The following PDSS2 variants were observed in gnomAD, a reference collection of about 807,000 sequenced individuals.
PDSS2 encodes all trans-polyprenyl-diphosphate synthase PDSS2.
PDSS2 carries 31 observed loss-of-function variants against 44.5 expected under a neutral mutation model. The observed-to-expected ratio is 0.70, with a 90% confidence interval of 0.52 to 0.94. The LOEUF is 0.94. Among genes scored for constraint, PDSS2 ranks in the 40% least tolerant of loss-of-function variants. The pLI, the probability that PDSS2 is intolerant of heterozygous loss-of-function variation, is 0.00. For synonymous variants in PDSS2, 157 were observed against 180.3 expected (o/e 0.87, Z 1.03); for missense variants, 452 against 482.2 (o/e 0.94, Z 0.59).
chr6:107,432,895 G>C (rs940468438), intron 1 of PDSS2, among the ~76,000 whole-genome samples: 1 of 151,940 alleles, frequency 6.6e-6, no homozygotes, highest in Non-Finnish European at 1.5e-5. Flanking sequence ...TTGTAACTTT[G>C]TATCTGTTAA....
At chr6:107,338,902 T>G (rs971010146) in intron 1 of PDSS2, among the ~76,000 whole-genome samples, 1 of 152,032 alleles carries the variant, frequency 6.6e-6, no homozygotes, top group South Asian at 2.1e-4. Flanking sequence ...ATTTTTTTTT[T>G]CTTTTAGAGA....
In PDSS2 at chr6:107,338,786, T is replaced by A. The variant is rs565345973; in HGVS notation, c.297-4454A>T. ...TAGAGCCAGTGTGGCAGGAACACAGTACGTAAAGGAAGAACTGAGAGAAAT... is the reference window on the plus strand; with the variant it reads ...TAGAGCCAGTGTGGCAGGAACACAGAACGTAAAGGAAGAACTGAGAGAAAT... On this transcript the variant is annotated intron_variant, in intron 1 of 7. Transcript: ENST00000369037. Among the ~76,000 whole-genome samples the A allele has an allele frequency of 6.2e-4, 95 of 152,196 alleles. 3 individuals are homozygous for A. In the South Asian group the frequency reaches 0.02, roughly 32 times the overall value.
At chr6:107,287,009 C>T (rs1041876261) in intron 2 of PDSS2, among the ~76,000 whole-genome samples, 1 of 152,110 alleles carries the variant, frequency 6.6e-6, no homozygotes, top group Admixed American at 6.5e-5. Flanking sequence ...CACTGCACTC[C>T]AGCCTGGTGA....
chr6:107,425,410 A>G (rs1404481169), intron 1 of PDSS2, among the ~76,000 whole-genome samples: 1 of 152,214 alleles, frequency 6.6e-6, no homozygotes, highest in African/African-American at 2.4e-5. Flanking sequence ...GATATGAACA[A>G]TAAGATCCAG....
rs1770800596 is a variant in PDSS2 at position 107,154,105 on chromosome 6, A to T, written c.*514T>A. 1 of 160,568 alleles carries T rather than the reference A, an allele frequency of 6.2e-6. No individual in the cohort carries two copies. Among genetic ancestry groups the T allele is most frequent in the African/African-American group, 2.4e-5 (1 of 41,486 alleles). 9.9% of individuals were successfully genotyped at this position (160,568 alleles called of 1,614,324 possible). On this transcript the variant is annotated 3_prime_UTR_variant, in exon 8 of 8. Coordinates refer to ENST00000369037, the MANE Select transcript of PDSS2 (RefSeq NM_020381.4). ...AAAAATAATAATAATCCAGAGACAT[A>T]ATTACAAGCCAACAAATAAAACATA...
chr6:107,326,102 T>A (rs1777535600), intron 2 of PDSS2, among the ~76,000 whole-genome samples: 1 of 147,066 alleles, frequency 6.8e-6, no homozygotes, highest in Non-Finnish European at 1.5e-5. Context: ...TTTTTCTTTT[T>A]TCTTTTTTTT....
intron 3 of PDSS2, among the ~76,000 whole-genome samples, chr6:107,271,810 T>G (rs1439487253): frequency 1.3e-5 from 2 of 152,172 alleles, no homozygotes; most frequent in Admixed American, 1.3e-4. Flanking sequence ...ATCCCAGCAC[T>G]TTGGGAGGCC....
intron 3 of PDSS2, among the ~76,000 whole-genome samples, chr6:107,255,547 C>T (rs990799926): frequency 2.7e-5 from 4 of 147,952 alleles, no homozygotes; most frequent in Non-Finnish European, 4.4e-5. Flanking sequence ...TGCGGTGAGC[C>T]GAGATCGTGC....
At chr6:107,338,475 G>C (rs893900378) in intron 1 of PDSS2, among the ~76,000 whole-genome samples, 2 of 152,198 alleles carry the variant, frequency 1.3e-5, no homozygotes, top group African/African-American at 4.8e-5. Flanking sequence ...ATATGATGAG[G>C]AGCACTGTTA....
intron 7 of PDSS2, among the ~76,000 whole-genome samples, chr6:107,155,868 T>G (rs1770869924): frequency 7.2e-6 from 1 of 138,950 alleles, no homozygotes; most frequent in African/African-American, 2.7e-5. Context: ...ATGAGCCACC[T>G]TGCCCGGCCT....
chr6:107,201,764 C>T (rs1350133465), intron 6 of PDSS2, among the ~76,000 whole-genome samples: 1 of 152,118 alleles, frequency 6.6e-6, no homozygotes, highest in Admixed American at 6.6e-5. Flanking sequence ...ATGTTACAGG[C>T]TATATTTTAG....
chr6:107,161,467 G>A (rs1554246723), intron 7 of PDSS2, among the ~76,000 whole-genome samples: 1 of 144,906 alleles, frequency 6.9e-6, no homozygotes. Context: ...GTGACAGAGC[G>A]AGACTCCGTC....
intron 2 of PDSS2, among the ~76,000 whole-genome samples, chr6:107,322,363 C>CA (rs1001387762): frequency 6.6e-6 from 1 of 151,444 alleles, no homozygotes; most frequent in Admixed American, 6.6e-5. Flanking sequence ...ACTAAAAATA[C>CA]AAAAAAATAG....
chr6:107,194,680 G>A (rs780645881), intron 6 of PDSS2, among the ~76,000 whole-genome samples: 5 of 152,178 alleles, frequency 3.3e-5, no homozygotes, highest in East Asian at 1.9e-4. Context: ...AGCTGGGTGC[G>A]GTGGCTCACG....
intron 1 of PDSS2, among the ~76,000 whole-genome samples, chr6:107,448,717 A>G (rs1291614739): frequency 6.6e-6 from 1 of 151,866 alleles, no homozygotes; most frequent in Non-Finnish European, 1.5e-5. Context: ...GCAGCACCCC[A>G]CTCTCTACGG....
chr6:107,333,629 G>A (rs1777781208), intron 2 of PDSS2, among the ~76,000 whole-genome samples: 1 of 152,098 alleles, frequency 6.6e-6, no homozygotes, highest in Admixed American at 6.6e-5. Context: ...TAACCTCCCT[G>A]GCCTCAAGCA....
At chr6:107,293,932 C>A (rs73511132) in intron 2 of PDSS2, among the ~76,000 whole-genome samples, 1 of 152,066 alleles carries the variant, frequency 6.6e-6, no homozygotes, top group Admixed American at 6.6e-5. Context: ...ACAGGACCAA[C>A]GCCAACTGCC....
intron 1 of PDSS2, among the ~76,000 whole-genome samples, chr6:107,385,922 C>T (rs1779597872): frequency 6.6e-6 from 1 of 152,006 alleles, no homozygotes; most frequent in South Asian, 2.1e-4. Context: ...AATACAGTAA[C>T]ATGTCTATAG....
chr6:107,440,266 ACCATCTGT>A, intron 1 of PDSS2, among the ~76,000 whole-genome samples: 1 of 152,316 alleles, frequency 6.6e-6, no homozygotes, highest in East Asian at 1.9e-4. Context: ...TACCAACACT[ACCATCTGT>A]GGACTTACCT....
Sources: allele counts gnomAD v4.1 joint callset (sites outside exome capture counted in the v4.1 genomes callset), GRCh38; gene constraint gnomAD v4.1.1; transcripts MANE v1.5; gene names NCBI Gene and HGNC (gene_info 2026-07-23, HGNC 2026-07-21).